The following CC2D1A variants were observed in gnomAD, a reference collection of about 807,000 sequenced individuals.
The protein encoded by CC2D1A is coiled-coil and C2 domain-containing protein 1A.
In CC2D1A, 68 loss-of-function variants were observed where a neutral mutation model predicts 123.8. The ratio of observed to expected loss-of-function variants is 0.55; its 90% CI spans 0.45 to 0.67. The LOEUF (loss-of-function observed/expected upper bound fraction) is 0.67, where lower values mean the gene tolerates loss of function less well. CC2D1A is among the 30% of genes least tolerant of loss of function. The pLI is 0.00. For missense variants in CC2D1A, 1,185 were observed against 1,290.3 expected (o/e 0.92, Z 1.25); for synonymous variants, 477 against 528.0 (o/e 0.90, Z 1.32).
In CC2D1A at chr19:13,918,534, C is replaced by T. The variant is rs772823974; in HGVS notation, c.904C>T (p.Arg302Trp). 6.8e-6 allele frequency: 11 copies of T among 1,613,880 alleles called. No individual in the cohort carries two copies. Among genetic ancestry groups the T allele is most frequent in the East Asian group, 4.5e-5 (2 of 44,876 alleles). Residue 302 changes from arginine (R) to tryptophan (W), a missense_variant, in exon 8 of 29, where the codon CGG (arginine) becomes TGG (tryptophan). Coordinates refer to ENST00000318003, the MANE Select transcript of CC2D1A (RefSeq NM_017721.5). ...TGATGCTGTCTTGGAGGCCCTGAGC[C>T]GGGGTGAGCCCGTGGACCTCTCCTG... ...SFDAVLEALS[R>W]GEPVDLSCLP...
At position 13,906,258 on chromosome 19, in the gene CC2D1A, C is replaced by T. The variant is rs1362314070; in HGVS notation, c.-184C>T. ...GTGGCCGCGCTCCGGTGCGGCGGCG[C>T]CCGAGGCCCGAGGCGGAAGTGGGAC... On this transcript the variant is annotated 5_prime_UTR_variant, in exon 1 of 29. Coordinates refer to ENST00000318003, the MANE Select transcript of CC2D1A (RefSeq NM_017721.5). The surrounding 1 kb of genome is among the most constrained non-coding windows in gnomAD (Gnocchi z 4.1). 4.3e-6 allele frequency: 2 copies of T among 468,842 alleles called. No homozygotes were observed. Among genetic ancestry groups the T allele is most frequent in the Non-Finnish European group, 7.4e-6 (2 of 271,890 alleles). 29.0% of individuals were successfully genotyped at this position (468,842 alleles called of 1,614,324 possible). A position where few individuals can be genotyped will look rare whatever the true frequency, so the allele number is the denominator to read the frequency against.
chr19:13,921,618 AG>A (rs753529069), intron 14 of CC2D1A, among the ~76,000 whole-genome samples: 2 of 152,028 alleles, frequency 1.3e-5, no homozygotes, highest in African/African-American at 2.4e-5. Context: ...AGTTTAAGGA[AG>A]TGACATCACT....
Position 13,923,345 on chromosome 19 carries a change from C to G in CC2D1A, c.1654C>G (p.Pro552Ala). ...TCGTCCTCCCCAGGTGCCGCCTGCCCCTGTCAACAAGGACGACTTTGCCCT... is the reference window on the plus strand; with the variant it reads ...TCGTCCTCCCCAGGTGCCGCCTGCCGCTGTCAACAAGGACGACTTTGCCCT... ...PVDITKVPPAPVNKDDFALVQ... is the reference protein window; with the variant it reads ...PVDITKVPPAAVNKDDFALVQ... Residue 552 changes from proline (P) to alanine (A), a missense_variant, in exon 15 of 29, where the codon CCT (proline) becomes GCT (alanine). Transcript: ENST00000318003. This position sits in a 1 kb window ranked among gnomAD's most constrained non-coding sequence, Gnocchi z 5.3. 1.9e-6 allele frequency: 3 copies of G among 1,608,566 alleles called. No individual in the cohort carries two copies. The highest frequency in any genetic ancestry group is 2.5e-6 in the Non-Finnish European group (3 of 1,179,748).
Position 13,929,508 on chromosome 19 carries a change from C to T in CC2D1A, c.2584-26C>T, listed in dbSNP as rs200829273. Reference sequence around the variant, plus strand: ...GGAGTCTGCAGGCCCAGGCAGGATCCTCACAGGACCCTCTGTATCCTCTAG... The same window carrying T: ...GGAGTCTGCAGGCCCAGGCAGGATCTTCACAGGACCCTCTGTATCCTCTAG... On this transcript the variant is annotated intron_variant, in intron 25 of 28. Coordinates refer to ENST00000318003, the MANE Select transcript of CC2D1A (RefSeq NM_017721.5). 473 of 1,612,508 alleles carry T rather than the reference C, an allele frequency of 2.9e-4. 1 individual carries two copies. In the South Asian group the frequency reaches 4.8e-3, roughly 16 times the overall value.
rs755038966 is a variant in CC2D1A at position 13,906,455 on chromosome 19, A to AAGGACCCCC, written c.15_23dup (p.Pro10_Gly12dup). ...CCAGCCTTGAAGATGCACAAGAGGA[A>AAGGACCCCC]AGGACCCCCGGGACCCCCGGGCAGA... On this transcript the variant is annotated inframe_insertion, in exon 1 of 29. Coordinates refer to ENST00000318003, the MANE Select transcript of CC2D1A (RefSeq NM_017721.5). This position sits in a 1 kb window ranked among gnomAD's most constrained non-coding sequence, Gnocchi z 4.1. 1.6e-3 allele frequency: 2,463 copies of AAGGACCCCC among 1,517,520 alleles called. 3 individuals are homozygous for AAGGACCCCC. Among genetic ancestry groups the AAGGACCCCC allele is most frequent in the Non-Finnish European group, 2.0e-3 (2,318 of 1,134,806 alleles). 94.0% of individuals were successfully genotyped at this position (1,517,520 alleles called of 1,614,324 possible).
intron 1 of CC2D1A, among the ~76,000 whole-genome samples, chr19:13,907,815 T>C (rs187430800): frequency 1.2e-4 from 18 of 152,300 alleles, no homozygotes; most frequent in Admixed American, 9.8e-4. Flanking sequence ...TAGCACTCAA[T>C]AAATGTTACT....
In CC2D1A at chr19:13,930,148, C is replaced by A; in HGVS notation, c.2781C>A (p.Gly927=). 6.2e-7 allele frequency: 1 copy of A among 1,613,302 alleles called. No individual in the cohort carries two copies. The highest frequency in any genetic ancestry group is 8.5e-7 in the Non-Finnish European group (1 of 1,179,716). Reference sequence around the variant, plus strand: ...CTGCCCGGCGCCTGGGCAACGATGGCAGCAGGGTGAGCTGGTCGCGGGCCG... The same window carrying A: ...CTGCCCGGCGCCTGGGCAACGATGGAAGCAGGGTGAGCTGGTCGCGGGCCG... ...TEAARRLGND[G]SRDAAKEALY... The change falls in exon 27 of 29, where the codon GGC becomes GGA. Residue 927 remains glycine, a synonymous_variant. Coordinates refer to ENST00000318003, the MANE Select transcript of CC2D1A (RefSeq NM_017721.5). This position sits in a 1 kb window ranked among gnomAD's most constrained non-coding sequence, Gnocchi z 6.8.
intron 22 of CC2D1A, 183 bp downstream of exon 22, chr19:13,927,448 A>C: frequency 3.3e-6 from 2 of 600,000 alleles, no homozygotes; most frequent in Non-Finnish European, 6.0e-6. Flanking sequence ...CATTATGATC[A>C]ACTGGTATCT....
At chr19:13,925,976 G>A (rs28401307) in intron 17 of CC2D1A, among the ~76,000 whole-genome samples, 2,269 of 79,582 alleles carry the variant, frequency 0.029, 189 homozygotes, top group African/African-American at 0.16. Context: ...ATATATATGT[G>A]TATATATATA....
chr19:13,919,331 C>A, intron 11 of CC2D1A, 129 bp downstream of exon 11: 1 of 683,906 alleles, frequency 1.5e-6, no homozygotes, highest in Non-Finnish European at 2.4e-6. Context: ...TTGGCAGATG[C>A]TATTACTCCC....
intron 12 of CC2D1A, 48 bp downstream of exon 12, chr19:13,919,999 C>A: frequency 6.5e-7 from 1 of 1,548,522 alleles, no homozygotes; most frequent in Non-Finnish European, 8.8e-7. Context: ...GTAGTCCCAG[C>A]ACTTTGGGAA....
intron 10 of CC2D1A, 27 bp from the exon 11 acceptor site, chr19:13,919,103 C>A: frequency 6.2e-7 from 1 of 1,604,592 alleles, no homozygotes; most frequent in African/African-American, 1.3e-5. Context: ...CTCCCACAGG[C>A]AGCCCTAACA....
rs577153402 is a variant in CC2D1A at position 13,912,514 on chromosome 19, G to T, written c.313-14G>T. 6.2e-7 allele frequency: 1 copy of T among 1,614,144 alleles called. No individual in the cohort carries two copies. Among genetic ancestry groups the T allele is most frequent in the South Asian group, 1.1e-5 (1 of 91,084 alleles). ...CAGGCCCTTATATCCTGCCCTGGCT[G>T]TGTGTCCCTGCAGGCGGAGCTAAAT... On this transcript the variant is annotated splice_polypyrimidine_tract_variant and intron_variant, in intron 3 of 28. Coordinates refer to ENST00000318003, the MANE Select transcript of CC2D1A (RefSeq NM_017721.5).
chr19:13,916,325 G>C (rs1361703648), intron 6 of CC2D1A, among the ~76,000 whole-genome samples: 2 of 152,044 alleles, frequency 1.3e-5, no homozygotes, highest in Non-Finnish European at 2.9e-5. Flanking sequence ...AGCACTCTGG[G>C]AGGCCAAGGT....
In CC2D1A at chr19:13,913,444, C is replaced by T; in HGVS notation, c.554C>T (p.Ala185Val). ...CTCGCCTCCATCCGTAAGGGCAATG[C>T]CATTGACGAAGCGGACATCCCGCCG... ...NLLASIRKGNAIDEADIPPPV... is the reference protein window; with the variant it reads ...NLLASIRKGNVIDEADIPPPV... The change falls in exon 6 of 29, where the codon GCC (alanine) becomes GTC (valine). Residue 185 changes from alanine to valine, a missense_variant. Coordinates refer to ENST00000318003, the MANE Select transcript of CC2D1A (RefSeq NM_017721.5). The T allele has an allele frequency of 6.2e-7, 1 of 1,614,214 alleles. No individual in the cohort carries two copies. Among genetic ancestry groups the T allele is most frequent in the Non-Finnish European group, 8.5e-7 (1 of 1,180,040 alleles).
At chr19:13,918,714 C>G (rs1182066538) in intron 8 of CC2D1A, 32 bp from the exon 9 acceptor site, 1 of 1,598,064 alleles carries the variant, frequency 6.3e-7, no homozygotes, top group Non-Finnish European at 8.5e-7. Flanking sequence ...AGCTAACAAG[C>G]CCCTCATTGG....
intron 11 of CC2D1A, 126 bp from the exon 12 acceptor site, chr19:13,919,689 AATT>A: frequency 4.2e-5 from 42 of 996,470 alleles, no homozygotes; most frequent in Non-Finnish European, 5.4e-5. Context: ...AAAAAAAAAA[AATT>A]AATTAATTAA....
intron 26 of CC2D1A, 52 bp downstream of exon 26, chr19:13,929,712 TGGG>T: frequency 1.1e-5 from 2 of 190,372 alleles, no homozygotes; most frequent in Non-Finnish European, 8.5e-6. Context: ...AGGATAGGCA[TGGG>T]GGGGGAGGTG....
At position 13,923,345 on chromosome 19, in the gene CC2D1A, CCT is replaced by C. The variant is rs1410329990; in HGVS notation, c.1655_1656del (p.Pro552ArgfsTer26). 6.2e-7 allele frequency: 1 copy of C among 1,608,566 alleles called. No individual in the cohort carries two copies. The highest frequency in any genetic ancestry group is 8.5e-7 in the Non-Finnish European group (1 of 1,179,748). ...TCGTCCTCCCCAGGTGCCGCCTGCC[CCT>C]GTCAACAAGGACGACTTTGCCCTGG... ...PVDITKVPPAPVNKDDFALVQ... is the reference protein window; with the variant it reads ...PVDITKVPPAXVNKDDFALVQ... On this transcript the variant is annotated frameshift_variant, in exon 15 of 29. Transcript: ENST00000318003. LOFTEE classifies it high-confidence loss of function. The surrounding 1 kb of genome is among the most constrained non-coding windows in gnomAD (Gnocchi z 5.3).
Sources: gnomAD v4.1 joint callset for allele counts (sites outside exome capture counted in the v4.1 genomes callset) on GRCh38, gnomAD v4.1.1 for gene constraint, Gnocchi (gnomAD v3.1) non-coding constraint, MANE v1.5 for transcripts, NCBI Gene and HGNC (gene_info 2026-07-23, HGNC 2026-07-21) for gene names.